SV2B: variants seen among roughly 807,000 people sequenced by gnomAD.
SV2B encodes synaptic vesicle glycoprotein 2B.
In SV2B, 41 loss-of-function variants were observed where a neutral mutation model predicts 73.9. That is an observed-to-expected ratio of 0.56 (90% confidence interval 0.43 to 0.72). The LOEUF (loss-of-function observed/expected upper bound fraction) is 0.72. SV2B is among the 30% of genes least tolerant of loss of function. The pLI is 0.00. For synonymous variants in SV2B, 314 were observed against 314.2 expected, an observed-to-expected ratio of 1.00 and a Z score of 0.01; for missense variants, 764 against 857.8, an observed-to-expected ratio of 0.89 and a Z score of 1.37.
Position 91,265,784 on chromosome 15 carries a change from C to G in SV2B, c.1009-798C>G, listed in dbSNP as rs2048078830. On this transcript the variant is annotated intron_variant, in intron 6 of 12. Transcript: ENST00000394232. This position sits in a 1 kb window ranked among gnomAD's most constrained non-coding sequence, Gnocchi z 4.2. ...AGGAGGCTCACAGTGTGGTCATGTC[C>G]TTGACATTTCTGGGAAGAGAGCCTA... Among the ~76,000 whole-genome samples, 1 of 152,246 alleles carries G rather than the reference C, an allele frequency of 6.6e-6. No individual in the cohort carries two copies. The highest frequency in any genetic ancestry group is 1.5e-5 in the Non-Finnish European group (1 of 68,052).
At chr15:91,112,085 GT>G (rs1332867866) in intron 1 of SV2B, among the ~76,000 whole-genome samples, 1 of 150,754 alleles carries the variant, frequency 6.6e-6, no homozygotes, top group Admixed American at 6.6e-5. Context: ...GTCATCTGCT[GT>G]GGCCAAAACA....
In SV2B at chr15:91,296,895, G is replaced by A. The variant is rs1427202188; in HGVS notation, c.*4343G>A. 7.0e-6 allele frequency: 1 copy of A among 143,148 alleles called. No individual in the cohort carries two copies. Among genetic ancestry groups the A allele is most frequent in the Non-Finnish European group, 1.5e-5 (1 of 67,430 alleles). 8.9% of individuals were successfully genotyped at this position (143,148 alleles called of 1,614,324 possible). A position where few individuals can be genotyped will look rare whatever the true frequency, so the allele number is the denominator to read the frequency against. On this transcript the variant is annotated 3_prime_UTR_variant, in exon 13 of 13. Coordinates refer to ENST00000394232, the MANE Select transcript of SV2B (RefSeq NM_001323032.3). ...CGATCGTTGGGCGCACGCTCCTTCT[G>A]CCCGATCGTTGGGCGCATGCTCCTT...
intron 12 of SV2B, among the ~76,000 whole-genome samples, chr15:91,291,278 C>A (rs1217395280): frequency 6.6e-6 from 1 of 150,814 alleles, no homozygotes; most frequent in Admixed American, 6.6e-5. Context: ...TAAAAAAGGA[C>A]ATATGTTAAA....
rs2141657215 is a variant in SV2B, at chr15:91,261,580, C to T, written c.1008+1171C>T. ...TTGTTTTATTTCTAGGAGTAGACTC[C>T]TAGAAATAAAAGTGCTGGCTCAGAG... is the stretch of plus-strand genomic sequence containing the variant. On this transcript the variant is annotated intron_variant, in intron 6 of 12. Transcript: ENST00000394232. This position sits in a 1 kb window ranked among gnomAD's most constrained non-coding sequence, Gnocchi z 4.7. Among the ~76,000 whole-genome samples the T allele has an allele frequency of 6.6e-6, 1 of 152,146 alleles. No individual in the cohort carries two copies. The highest frequency in any genetic ancestry group is 1.5e-5 in the Non-Finnish European group (1 of 68,000).
rs1075840 is a variant in SV2B, at chr15:91,258,677, T to G, written c.918+123T>G. On this transcript the variant is annotated intron_variant, in intron 5 of 12. Transcript: ENST00000394232. The surrounding 1 kb of genome is among the most constrained non-coding windows in gnomAD (Gnocchi z 4.7). The stretch of plus-strand genomic sequence containing the variant: ...TGCTTATGTGTTGCAAACTCTCCCC[T>G]GGTCGGCTGACCTCACTCATCATTG... 519,137 of 1,419,520 alleles carry G rather than the reference T, an allele frequency of 0.37. 104,084 individuals carry two copies. Among genetic ancestry groups the G allele is most frequent in the African/African-American group, 0.79 (55,575 of 70,202 alleles). 87.9% of individuals were successfully genotyped at this position (1,419,520 alleles called of 1,614,324 possible).
intron 1 of SV2B, among the ~76,000 whole-genome samples, chr15:91,176,606 C>T (rs2044318690): frequency 1.3e-5 from 2 of 152,022 alleles, no homozygotes; most frequent in African/African-American, 4.8e-5. Context: ...GATGGTATCT[C>T]ATTGTGGTTT....
At position 91,239,998 on chromosome 15, in the gene SV2B, T is replaced by A. The variant is rs764689377; in HGVS notation, c.452-11821T>A. Among the ~76,000 whole-genome samples the A allele has an allele frequency of 1.8e-4, 28 of 152,210 alleles. No individual in the cohort carries two copies. The highest frequency in any genetic ancestry group is 3.2e-4 in the Non-Finnish European group (22 of 68,044). ...CAAGAAGAATTGGATGAAGAGGACCTTGTTGAATGAACTATGATTGATCCC... is the reference window on the plus strand; with the variant it reads ...CAAGAAGAATTGGATGAAGAGGACCATGTTGAATGAACTATGATTGATCCC... On this transcript the variant is annotated intron_variant, in intron 2 of 12. Coordinates refer to ENST00000394232, the MANE Select transcript of SV2B (RefSeq NM_001323032.3). The surrounding 1 kb of genome is among the most constrained non-coding windows in gnomAD (Gnocchi z 5.1).
At chr15:91,154,613 G>A (rs1028164072) in intron 1 of SV2B, among the ~76,000 whole-genome samples, 1 of 152,114 alleles carries the variant, frequency 6.6e-6, no homozygotes, top group Admixed American at 6.5e-5. Context: ...TGAGGTCATA[G>A]TGGATTAGAG....
chr15:91,200,878 T>G (rs1257762771), intron 1 of SV2B, among the ~76,000 whole-genome samples: 1 of 152,134 alleles, frequency 6.6e-6, no homozygotes, highest in Non-Finnish European at 1.5e-5. Context: ...GCCTCTGCAC[T>G]CCAGCCTCGG....
chr15:91,154,252 G>A (rs2141227170), intron 1 of SV2B, among the ~76,000 whole-genome samples: 1 of 151,516 alleles, frequency 6.6e-6, no homozygotes, highest in Middle Eastern at 3.4e-3. Context: ...AGGGCCACTG[G>A]TCTCATCTCT....
rs2042538324 is a variant in SV2B at position 91,128,092 on chromosome 15, C to T, written c.-392+27729C>T. 6.6e-6 allele frequency among the ~76,000 whole-genome samples: 1 copy of T among 152,088 alleles called. No homozygotes were observed. The highest frequency in any genetic ancestry group is 2.4e-5 in the African/African-American group (1 of 41,410). The stretch of plus-strand genomic sequence containing the variant: ...TCTTATTATCATTGTCACGTTCATC[C>T]CAGGGACTCAAATTAAATCTGGGAT... On this transcript the variant is annotated intron_variant, in intron 1 of 12. Coordinates refer to ENST00000394232, the MANE Select transcript of SV2B (RefSeq NM_001323032.3). The surrounding 1 kb of genome is among the most constrained non-coding windows in gnomAD (Gnocchi z 4.2).
chr15:91,201,121 C>T (rs1326769160), intron 1 of SV2B, among the ~76,000 whole-genome samples: 1 of 152,142 alleles, frequency 6.6e-6, no homozygotes. Flanking sequence ...CTCTCAACTT[C>T]CTTGGCCACC....
At chr15:91,160,060 A>G (rs563075181) in intron 1 of SV2B, among the ~76,000 whole-genome samples, 3 of 152,332 alleles carry the variant, frequency 2.0e-5, no homozygotes, top group South Asian at 2.1e-4. Flanking sequence ...GAAGGATTAA[A>G]TGTTCCCAAA....
chr15:91,167,006 G>C (rs2043939712), intron 1 of SV2B, among the ~76,000 whole-genome samples: 1 of 151,846 alleles, frequency 6.6e-6, no homozygotes, highest in Non-Finnish European at 1.5e-5. Flanking sequence ...GTAGAGACGG[G>C]GTTTCACCGT....
intron 1 of SV2B, among the ~76,000 whole-genome samples, chr15:91,151,188 A>G (rs948816661): frequency 6.6e-6 from 1 of 152,220 alleles, no homozygotes; most frequent in Non-Finnish European, 1.5e-5. Flanking sequence ...AAAACTGATC[A>G]GGGCCAAAAC....
rs1205213773 is a variant in SV2B at position 91,129,920 on chromosome 15, G to A, written c.-392+29557G>A. On this transcript the variant is annotated intron_variant, in intron 1 of 12. Transcript: ENST00000394232. The surrounding 1 kb of genome is among the most constrained non-coding windows in gnomAD (Gnocchi z 5.1). ...TTAAGTGAGATAATGCATGTAACAC[G>A]CTTAGCTCAGTGCCTGGTCCTTGGC... is the stretch of plus-strand genomic sequence containing the variant. Among the ~76,000 whole-genome samples the A allele has an allele frequency of 6.6e-6, 1 of 152,174 alleles. No homozygotes were observed. Among genetic ancestry groups the A allele is most frequent in the African/African-American group, 2.4e-5 (1 of 41,458 alleles).
intron 1 of SV2B, among the ~76,000 whole-genome samples, chr15:91,221,586 A>G (rs188630714): frequency 8.5e-5 from 13 of 152,084 alleles, no homozygotes; most frequent in Admixed American, 7.9e-4. Flanking sequence ...TAGGAAATGC[A>G]CCACTTGTTC....
At chr15:91,168,301 C>T (rs1174614045) in intron 1 of SV2B, among the ~76,000 whole-genome samples, 2 of 137,200 alleles carry the variant, frequency 1.5e-5, no homozygotes, top group South Asian at 2.5e-4. Context: ...TGGTGAGATA[C>T]GAGAGAGAGA....
Position 91,281,618 on chromosome 15 carries a change from G to T in SV2B, c.1374-110G>T. The T allele has an allele frequency of 7.8e-7, 1 of 1,279,206 alleles. No homozygotes were observed. Among genetic ancestry groups the T allele is most frequent in the Non-Finnish European group, 1.1e-6 (1 of 932,774 alleles). 79.2% of individuals were successfully genotyped at this position (1,279,206 alleles called of 1,614,324 possible). On this transcript the variant is annotated intron_variant, in intron 9 of 12. Transcript: ENST00000394232. This position sits in a 1 kb window ranked among gnomAD's most constrained non-coding sequence, Gnocchi z 4.7. Reference sequence around the variant, plus strand: ...GGTCTGGGTTGAAAATAATGCTCTGGCACCTTTTGCTTGCACATCTCCTTT... The same window carrying T: ...GGTCTGGGTTGAAAATAATGCTCTGTCACCTTTTGCTTGCACATCTCCTTT...
Sources: allele counts gnomAD v4.1 joint callset (sites outside exome capture counted in the v4.1 genomes callset), GRCh38; gene constraint gnomAD v4.1.1; non-coding constraint Gnocchi (gnomAD v3.1); transcripts MANE v1.5; gene names NCBI Gene and HGNC (gene_info 2026-07-23, HGNC 2026-07-21).